Variants in NOTCH1 observed in about 807,000 individuals in gnomAD.
The protein encoded by NOTCH1 is notch receptor 1.
In NOTCH1, 37 loss-of-function variants were observed where a neutral mutation model predicts 254.8. The observed-to-expected ratio is 0.15, with a 90% CI of 0.11 to 0.19. The LOEUF is 0.19. Among genes scored for constraint, NOTCH1 ranks in the 10% least tolerant of loss-of-function variants. The pLI, the probability that NOTCH1 is intolerant of heterozygous loss-of-function variation, is 1.00. For missense variants in NOTCH1, 2,972 were observed against 3,708.6 expected (o/e 0.80, Z 5.16); for synonymous variants, 1,731 against 1,618.1 (o/e 1.07, Z -1.68).
intron 2 of NOTCH1, among the ~76,000 whole-genome samples, chr9:136,539,925 C>G (rs1417470551): frequency 3.3e-5 from 5 of 152,214 alleles, no homozygotes; most frequent in East Asian, 3.9e-4. Context: ...TAAGGGGAAG[C>G]CACGCCCCCA....
intron 4 of NOTCH1, among the ~76,000 whole-genome samples, chr9:136,520,579 A>G (rs566286219): frequency 7.9e-5 from 12 of 152,144 alleles, no homozygotes; most frequent in Non-Finnish European, 1.3e-4. Flanking sequence ...ACAAAAAAAA[A>G]TACAAGAAGT....
chr9:136,506,121 G>A lies in NOTCH1; in HGVS notation c.4015-240C>T, dbSNP rs941102006. 2.0e-5 allele frequency among the ~76,000 whole-genome samples: 3 copies of A among 152,092 alleles called. No individual in the cohort carries two copies. The highest frequency in any genetic ancestry group is 2.9e-5 in the Non-Finnish European group (2 of 68,004). On this transcript the variant is annotated intron_variant, in intron 24 of 33. Transcript: ENST00000651671. The surrounding 1 kb of genome is among the most constrained non-coding windows in gnomAD (Gnocchi z 4.5). Reference sequence around the variant, plus strand: ...ACTGGTGGAGTGCTGAGGACTTTAGGGCAGGGACTCTCTGCCGTGATCCTG... The same window carrying A: ...ACTGGTGGAGTGCTGAGGACTTTAGAGCAGGGACTCTCTGCCGTGATCCTG...
intron 2 of NOTCH1, 39 bp downstream of exon 2, chr9:136,543,985 C>T: frequency 6.5e-7 from 1 of 1,537,488 alleles, no homozygotes; most frequent in South Asian, 1.2e-5. Context: ...GGGGCTCTGC[C>T]CTCGACAAAG....
At chr9:136,542,352 T>C (rs73668324) in intron 2 of NOTCH1, among the ~76,000 whole-genome samples, 11,255 of 152,112 alleles carry the variant, frequency 0.074, 881 homozygotes, top group African/African-American at 0.2. Flanking sequence ...GGGAGCGCAG[T>C]GGCGGGGAAG....
rs2133351132 is a variant in NOTCH1, at chr9:136,509,898, G to A, written c.2804C>T (p.Pro935Leu). The change falls in exon 18 of 34, where the codon CCC becomes CTC. Residue 935 changes from proline (P) to leucine (L), a missense_variant. By Grantham distance (98) the Pro-to-Leu change is moderately conservative. This residue lies in a region of NOTCH1 where 1,343 missense variants were observed against 1,557.0 expected (regional missense o/e 0.86). Coordinates refer to ENST00000651671, the MANE Select transcript of NOTCH1 (RefSeq NM_017617.5). ...GINTAFCDCL[P>L]GFRGTFCEED... ...CTCACAGAAAGTGCCCCGGAAGCCG[G>A]GCAGGCAGTCGCAGAAGGCCGTGTT... 1 of 1,613,260 alleles carries A rather than the reference G, an allele frequency of 6.2e-7. No individual in the cohort carries two copies. Among genetic ancestry groups the A allele is most frequent in the Non-Finnish European group, 8.5e-7 (1 of 1,180,026 alleles).
At position 136,513,116 on chromosome 9, in the gene NOTCH1, T is replaced by C. The variant is rs2133358146; in HGVS notation, c.2372A>G (p.Asn791Ser). ...TGGGTTGGACGCACACTCGTTGATG[T>C]TGGTCTGGCAGTTGGGACCTGGAGG... is the stretch of plus-strand genomic sequence containing the variant. The part of the protein sequence containing the change: ...EGFSGPNCQT[N>S]INECASNPCL... Residue 791 changes from asparagine to serine, a missense_variant, in exon 15 of 34, where the codon AAC becomes AGC. Around this residue, in one of 8 missense-constraint regions of NOTCH1, gnomAD observed 1,343 missense variants for 1,557.0 expected, o/e 0.86. Coordinates refer to ENST00000651671, the MANE Select transcript of NOTCH1 (RefSeq NM_017617.5). The surrounding 1 kb of genome is among the most constrained non-coding windows in gnomAD (Gnocchi z 4.7). The C allele has an allele frequency of 3.7e-6, 6 of 1,612,920 alleles. No individual in the cohort carries two copies. Among genetic ancestry groups the C allele is most frequent in the Admixed American group, 1.7e-5 (1 of 60,006 alleles).
chr9:136,522,171 G>A (rs530708090), intron 4 of NOTCH1, among the ~76,000 whole-genome samples: 1 of 152,178 alleles, frequency 6.6e-6, no homozygotes, highest in East Asian at 1.9e-4. Context: ...TAGAGACGGG[G>A]TTTCGCCGTG....
intron 17 of NOTCH1, 170 bp downstream of exon 17, chr9:136,510,483 G>A: frequency 1.1e-6 from 1 of 884,928 alleles, no homozygotes; most frequent in Non-Finnish European, 1.7e-6. Flanking sequence ...GGGCCCTCCT[G>A]AACCACCCTG....
rs746253027 is a variant in NOTCH1 at position 136,502,451 on chromosome 9, G to A, written c.5205C>T (p.His1735=). 8 of 1,600,328 alleles carry A rather than the reference G, an allele frequency of 5.0e-6. No homozygotes were observed. The highest frequency in any genetic ancestry group is 4.4e-5 in the South Asian group (4 of 90,456). Residue 1735 remains histidine (H), a synonymous_variant, in exon 28 of 34, where the codon CAC becomes CAT. Transcript: ENST00000651671. The part of the protein sequence containing the change: ...TVEPPPPAQL[H]FMYVAAAAFV... Reference sequence around the variant, plus strand: ...AGGCGGCCGCCGCCACGTACATGAAGTGCAGCTGCGCCGGCGGGGGCGGCT... The same window carrying A: ...AGGCGGCCGCCGCCACGTACATGAAATGCAGCTGCGCCGGCGGGGGCGGCT...
chr9:136,522,276 C>T (rs542849997), intron 4 of NOTCH1, among the ~76,000 whole-genome samples: 2 of 152,172 alleles, frequency 1.3e-5, no homozygotes, highest in Admixed American at 1.3e-4. Flanking sequence ...CACGCGCGGC[C>T]GAGACTGGAG....
rs1272894465 is a variant in NOTCH1, at chr9:136,502,214, G to C, written c.5384+58C>G. On this transcript the variant is annotated intron_variant, in intron 28 of 33. Coordinates refer to ENST00000651671, the MANE Select transcript of NOTCH1 (RefSeq NM_017617.5). ...GGAGGGGCAGACTCCCGGTGAGGAT[G>C]CTCGGCCAGGTCCCACCTCCCACCG... 2.5e-6 allele frequency: 4 copies of C among 1,569,858 alleles called. No individual in the cohort carries two copies. The African/African-American group carries it at 5.4e-5, about 21-fold the overall frequency.
intron 2 of NOTCH1, among the ~76,000 whole-genome samples, chr9:136,535,142 C>A (rs1482387373): frequency 2.6e-5 from 4 of 151,650 alleles, no homozygotes; most frequent in Non-Finnish European, 5.9e-5. Context: ...CCACCCCCGC[C>A]CCACAGAGCC....
rs568231095 is a variant in NOTCH1, at chr9:136,501,404, AG to A, written c.5638+343del. 6.3e-4 allele frequency among the ~76,000 whole-genome samples: 95 copies of A among 151,780 alleles called. 1 individual carries two copies. Among genetic ancestry groups the A allele is most frequent in the African/African-American group, 2.2e-3 (91 of 41,398 alleles). On this transcript the variant is annotated intron_variant, in intron 30 of 33. Coordinates refer to ENST00000651671, the MANE Select transcript of NOTCH1 (RefSeq NM_017617.5). Reference sequence around the variant, plus strand: ...AGCCGAGATCGTGCCACTGCACTCCAGCCTGGGTGACGGAGCGAGACTCCAT... The same window carrying A: ...AGCCGAGATCGTGCCACTGCACTCCACCTGGGTGACGGAGCGAGACTCCAT...
intron 9 of NOTCH1, among the ~76,000 whole-genome samples, chr9:136,516,355 C>T (rs1157208811): frequency 6.6e-6 from 1 of 152,226 alleles, no homozygotes; most frequent in Non-Finnish European, 1.5e-5. Flanking sequence ...ACAGTGGAGC[C>T]GGGCTGAGAA....
Position 136,506,762 on chromosome 9 carries a change from C to T in NOTCH1, c.3855G>A (p.Val1285=), listed in dbSNP as rs2133343326. ...CGCAGTGGAAGTCATTGACGCGCTGCACGCAGTTCTGGGTGCCACGGGCGT... is the reference window on the plus strand; with the variant it reads ...CGCAGTGGAAGTCATTGACGCGCTGTACGCAGTTCTGGGTGCCACGGGCGT... ...PCDARGTQNC[V]QRVNDFHCEC... Residue 1285 remains valine, a synonymous_variant, in exon 23 of 34, where the codon GTG becomes GTA. Transcript: ENST00000651671. This position sits in a 1 kb window ranked among gnomAD's most constrained non-coding sequence, Gnocchi z 4.5. 6.2e-7 allele frequency: 1 copy of T among 1,607,266 alleles called. No homozygotes were observed. The highest frequency in any genetic ancestry group is 8.5e-7 in the Non-Finnish European group (1 of 1,177,506).
At chr9:136,537,954 G>GT (rs1288347364) in intron 2 of NOTCH1, among the ~76,000 whole-genome samples, 2 of 152,136 alleles carry the variant, frequency 1.3e-5, no homozygotes, top group Non-Finnish European at 2.9e-5. Flanking sequence ...TTAGCTGGGA[G>GT]TGGTGGTATG....
intron 2 of NOTCH1, among the ~76,000 whole-genome samples, chr9:136,536,742 T>C (rs569281189): frequency 6.6e-6 from 1 of 152,338 alleles, no homozygotes; most frequent in Admixed American, 6.5e-5. Flanking sequence ...CTGCAGTGAC[T>C]ACCCCTAGCT....
intron 4 of NOTCH1, among the ~76,000 whole-genome samples, chr9:136,521,642 G>A (rs918692722): frequency 3.3e-5 from 5 of 152,210 alleles, no homozygotes; most frequent in Non-Finnish European, 7.4e-5. Context: ...ACCAGCAGAA[G>A]GGCTCTGCGC....
chr9:136,504,837 G>C lies in NOTCH1; in HGVS notation c.4854C>G (p.Pro1618=), dbSNP rs2133336406. 6.3e-7 allele frequency: 1 copy of C among 1,578,894 alleles called. No homozygotes were observed. Among genetic ancestry groups the C allele is most frequent in the Non-Finnish European group, 8.6e-7 (1 of 1,162,946 alleles). ...RDAHGQQMIF[P]YYGREEELRK... ...GCAGCTCCTCCTCGCGGCCGTAGTA[G>C]GGGAAGATCATCTGCTGGCCGTGTG... Residue 1618 remains proline, a synonymous_variant, in exon 26 of 34, where the codon CCC becomes CCG. Transcript: ENST00000651671.
Sources: allele counts gnomAD v4.1 joint callset (sites outside exome capture counted in the v4.1 genomes callset), GRCh38; gene constraint gnomAD v4.1.1; regional missense constraint gnomAD v4.1.1; non-coding constraint Gnocchi (gnomAD v3.1); transcripts MANE v1.5; gene names NCBI Gene and HGNC (gene_info 2026-07-23, HGNC 2026-07-21).